NRG1: variants seen among roughly 807,000 people sequenced by gnomAD.
The protein encoded by NRG1 is pro-neuregulin-1, membrane-bound isoform.
NRG1 carries 18 observed loss-of-function variants against 63.8 expected under a neutral mutation model. The observed-to-expected ratio is 0.28, with a 90% CI of 0.19 to 0.42. The LOEUF (loss-of-function observed/expected upper bound fraction) is 0.42, where lower values mean the gene tolerates loss of function less well. NRG1 is among the 10% of genes least tolerant of loss of function. The probability of loss-of-function intolerance (pLI) is 1.00; values close to 1 mark genes in which losing one functional copy is unlikely to be tolerated. For synonymous variants in NRG1, 302 were observed against 301.3 expected (o/e 1.00, Z -0.02); for missense variants, 762 against 814.7 (o/e 0.94, Z 0.79).
chr8:31,961,995 T>TGGTG (rs5890612), intron 1 of NRG1, among the ~76,000 whole-genome samples: 95,347 of 151,572 alleles, frequency 0.63, 34,340 homozygotes, highest in Non-Finnish European at 0.81. Context: ...ATGGAGGCAT[T>TGGTG]ACTCATGAAC....
At chr8:32,540,190 G>A (rs1401665743) in intron 1 of NRG1, among the ~76,000 whole-genome samples, 2 of 152,100 alleles carry the variant, frequency 1.3e-5, no homozygotes, top group Admixed American at 1.3e-4. Context: ...GCAGGATAAA[G>A]GAAGGAGAGT....
intron 1 of NRG1, among the ~76,000 whole-genome samples, chr8:31,992,619 T>C (rs1586324297): frequency 6.6e-6 from 1 of 152,034 alleles, no homozygotes; most frequent in Non-Finnish European, 1.5e-5. Flanking sequence ...ACTCATCTTT[T>C]TCTGAAAAAC....
chr8:31,938,639 C>G (rs1247390199), intron 1 of NRG1, among the ~76,000 whole-genome samples: 2 of 151,964 alleles, frequency 1.3e-5, no homozygotes, highest in Admixed American at 1.3e-4. Flanking sequence ...AGGTGAAGTC[C>G]AACTTAAAGA....
At chr8:32,067,687 C>T (rs1825085885) in intron 1 of NRG1, among the ~76,000 whole-genome samples, 1 of 152,082 alleles carries the variant, frequency 6.6e-6, no homozygotes, top group African/African-American at 2.4e-5. Flanking sequence ...CTTTACACAG[C>T]AAGAGATCTC....
At chr8:32,450,477 C>T (rs1039974407) in intron 1 of NRG1, among the ~76,000 whole-genome samples, 13 of 152,116 alleles carry the variant, frequency 8.5e-5, no homozygotes, top group South Asian at 2.1e-4. Flanking sequence ...AGTACAGTCA[C>T]GCAATTACAG....
At chr8:32,129,444 T>C (rs1009920206) in intron 1 of NRG1, among the ~76,000 whole-genome samples, 2 of 151,960 alleles carry the variant, frequency 1.3e-5, no homozygotes, top group Admixed American at 1.3e-4. Context: ...TGTTGTCATA[T>C]AGCATTCCTC....
intron 1 of NRG1, among the ~76,000 whole-genome samples, chr8:31,689,902 G>T (rs188451243): frequency 6.6e-6 from 1 of 152,200 alleles, no homozygotes; most frequent in Non-Finnish European, 1.5e-5. Context: ...TATTAGAATA[G>T]GCCCCATTAG....
intron 1 of NRG1, among the ~76,000 whole-genome samples, chr8:32,488,564 C>A (rs540145645): frequency 5.3e-5 from 8 of 152,142 alleles, no homozygotes; most frequent in African/African-American, 1.9e-4. Flanking sequence ...TCACTTGAGC[C>A]CAGGAGTCAG....
intron 1 of NRG1, among the ~76,000 whole-genome samples, chr8:31,824,965 T>C (rs1011911602): frequency 6.6e-6 from 1 of 152,238 alleles, no homozygotes; most frequent in Non-Finnish European, 1.5e-5. Context: ...TAAATTTAGT[T>C]ATATTGTATA....
chr8:32,415,479 T>A (rs149014846), intron 1 of NRG1, among the ~76,000 whole-genome samples: 2 of 152,204 alleles, frequency 1.3e-5, no homozygotes, highest in South Asian at 2.1e-4. Flanking sequence ...ATTATTTGAA[T>A]TTGTCATTTT....
chr8:32,097,412 G>T (rs1339155995), intron 1 of NRG1, among the ~76,000 whole-genome samples: 1 of 152,092 alleles, frequency 6.6e-6, no homozygotes, highest in Non-Finnish European at 1.5e-5. Flanking sequence ...TCTTTGAGGA[G>T]TCTCCAGACT....
At chr8:32,057,669 T>A (rs545521780) in intron 1 of NRG1, among the ~76,000 whole-genome samples, 25 of 152,182 alleles carry the variant, frequency 1.6e-4, no homozygotes, top group South Asian at 6.2e-4. Flanking sequence ...GGTCATTGGG[T>A]TAAGGATCAT....
chr8:31,960,728 G>A (rs1805307700), intron 1 of NRG1, among the ~76,000 whole-genome samples: 1 of 152,334 alleles, frequency 6.6e-6, no homozygotes, highest in Non-Finnish European at 1.5e-5. Flanking sequence ...AACCTTTCCA[G>A]TAAGGGGCTC....
rs539521107 is a variant in NRG1 at position 32,668,766 on chromosome 8, C to A, written c.502+51881C>A. 2.6e-5 allele frequency among the ~76,000 whole-genome samples: 4 copies of A among 152,172 alleles called. No individual in the cohort carries two copies. In the South Asian group the frequency reaches 8.3e-4, roughly 32 times the overall value. Reference sequence around the variant, plus strand: ...GGAGTTTCCTTCTCTGTAAGCATTGCTGACTCAAGACTATATAATGTTAGA... The same window carrying A: ...GGAGTTTCCTTCTCTGTAAGCATTGATGACTCAAGACTATATAATGTTAGA... On this transcript the variant is annotated intron_variant, in intron 5 of 11. Transcript: ENST00000356819.
intron 1 of NRG1, among the ~76,000 whole-genome samples, chr8:32,288,578 T>C (rs1262795293): frequency 1.3e-5 from 2 of 152,186 alleles, no homozygotes; most frequent in Non-Finnish European, 2.9e-5. Flanking sequence ...CCAGGTCTCA[T>C]AATTCCTTTG....
intron 1 of NRG1, among the ~76,000 whole-genome samples, chr8:32,524,521 A>G (rs1339637536): frequency 6.6e-6 from 1 of 151,830 alleles, no homozygotes; most frequent in Non-Finnish European, 1.5e-5. Flanking sequence ...TGCCCTTCCA[A>G]AATTTTTTCT....
At chr8:32,203,381 A>T (rs1023857989) in intron 1 of NRG1, among the ~76,000 whole-genome samples, 13 of 151,062 alleles carry the variant, frequency 8.6e-5, no homozygotes, top group African/African-American at 3.2e-4. Context: ...TCATTTATTC[A>T]CTTATTTTTT....
chr8:32,145,397 C>T (rs1836766221), intron 1 of NRG1, among the ~76,000 whole-genome samples: 1 of 151,774 alleles, frequency 6.6e-6, no homozygotes. Context: ...GAATATATTT[C>T]CCATAAAGAT....
chr8:31,957,812 A>G (rs550414069), intron 1 of NRG1, among the ~76,000 whole-genome samples: 43 of 152,242 alleles, frequency 2.8e-4, no homozygotes, highest in Non-Finnish European at 4.1e-4. Flanking sequence ...TATTTTCTCT[A>G]TCTTCTATCA....
Sources: gnomAD v4.1 joint callset for allele counts (sites outside exome capture counted in the v4.1 genomes callset) on GRCh38, gnomAD v4.1.1 for gene constraint, MANE v1.5 for transcripts, NCBI Gene and HGNC (gene_info 2026-07-23, HGNC 2026-07-21) for gene names.